Variants in GABRG3 observed in about 807,000 individuals in gnomAD.
GABRG3 encodes the protein gamma-aminobutyric acid receptor subunit gamma-3.
A neutral mutation model predicts 48.8 loss-of-function variants in GABRG3; 25 were observed. The observed-to-expected ratio is 0.51, with a 90% CI of 0.37 to 0.72. The LOEUF (loss-of-function observed/expected upper bound fraction) is 0.72, where lower values mean the gene tolerates loss of function less well. Ranked by LOEUF, GABRG3 falls within the 30% of genes least tolerant of loss-of-function variation. The pLI, the probability that GABRG3 is intolerant of heterozygous loss-of-function variation, is 0.00. For missense variants in GABRG3, 394 were observed against 577.9 expected (o/e 0.68, Z 3.26); for synonymous variants, 227 against 217.6 (o/e 1.04, Z -0.38).
At chr15:27,268,186 G>T (rs1026854921) in intron 3 of GABRG3, among the ~76,000 whole-genome samples, 4 of 152,044 alleles carry the variant, frequency 2.6e-5, no homozygotes, top group African/African-American at 9.7e-5. Context: ...TTTATGGGAA[G>T]AATTTTTACT....
intron 3 of GABRG3, among the ~76,000 whole-genome samples, chr15:27,320,302 G>A (rs896345969): frequency 8.5e-5 from 13 of 152,144 alleles, no homozygotes; most frequent in African/African-American, 2.9e-4. Flanking sequence ...CCGGCTAAGG[G>A]GATGCTTTCC....
chr15:27,304,990 G>C (rs545434747), intron 3 of GABRG3, among the ~76,000 whole-genome samples: 1 of 151,864 alleles, frequency 6.6e-6, no homozygotes, highest in African/African-American at 2.4e-5. Flanking sequence ...TAGAATTTTC[G>C]TAAAGCCTAA....
chr15:27,111,130 T>C (rs1446170536), intron 3 of GABRG3, among the ~76,000 whole-genome samples: 2 of 152,218 alleles, frequency 1.3e-5, no homozygotes, highest in African/African-American at 2.4e-5. Context: ...AGTTTCTATT[T>C]ACTTATGTTA....
At chr15:26,994,512 A>T (rs527791001) in intron 2 of GABRG3, among the ~76,000 whole-genome samples, 18 of 152,058 alleles carry the variant, frequency 1.2e-4, no homozygotes, top group Admixed American at 1.0e-3. Flanking sequence ...CCCACTTTCT[A>T]ACTTTTGTTT....
intron 3 of GABRG3, among the ~76,000 whole-genome samples, chr15:27,104,798 A>G (rs914978882): frequency 4.6e-5 from 7 of 152,222 alleles, no homozygotes; most frequent in African/African-American, 1.7e-4. Context: ...AAATCATAGA[A>G]TTTCTTTCCA....
At chr15:27,098,388 C>T (rs1003850994) in intron 3 of GABRG3, among the ~76,000 whole-genome samples, 16 of 152,074 alleles carry the variant, frequency 1.1e-4, no homozygotes, top group Admixed American at 3.9e-4. Flanking sequence ...GAGCTGAGAG[C>T]GCACCACTGC....
At chr15:27,444,034 T>A (rs968005759) in intron 5 of GABRG3, among the ~76,000 whole-genome samples, 1 of 152,220 alleles carries the variant, frequency 6.6e-6, no homozygotes, top group East Asian at 1.9e-4. Flanking sequence ...AATATTTTGT[T>A]GAAGTGTTCA....
chr15:27,242,359 T>C (rs1890152636), intron 3 of GABRG3, among the ~76,000 whole-genome samples: 1 of 152,190 alleles, frequency 6.6e-6, no homozygotes, highest in South Asian at 2.1e-4. Context: ...GTTTAGTTGC[T>C]CTGGGCACAG....
At chr15:27,173,346 A>G (rs1371244944) in intron 3 of GABRG3, among the ~76,000 whole-genome samples, 1 of 152,168 alleles carries the variant, frequency 6.6e-6, no homozygotes, top group Non-Finnish European at 1.5e-5. Context: ...GGGCTGCAGC[A>G]CTGAGAAAGT....
At chr15:27,517,355 C>T (rs1595805970) in intron 6 of GABRG3, among the ~76,000 whole-genome samples, 1 of 152,272 alleles carries the variant, frequency 6.6e-6, no homozygotes, top group Non-Finnish European at 1.5e-5. Context: ...ACTGGTGCTA[C>T]TGCCTCCCTC....
Position 27,539,958 on chromosome 15 carries a change from T to A in GABRG3, c.*7077T>A, listed in dbSNP as rs115536333. On this transcript the variant is annotated 3_prime_UTR_variant, in exon 10 of 10. Coordinates refer to ENST00000615808, the MANE Select transcript of GABRG3 (RefSeq NM_033223.5). ...GGTTTTTAGATGAAGTACATCTACA[T>A]CATAACCATCATCACCCTCATTGTC... The A allele has an allele frequency of 6.6e-6, 1 of 152,240 alleles. No homozygotes were observed. The highest frequency in any genetic ancestry group is 1.5e-5 in the Non-Finnish European group (1 of 68,046). 9.4% of individuals were successfully genotyped at this position (152,240 alleles called of 1,614,324 possible).
intron 3 of GABRG3, among the ~76,000 whole-genome samples, chr15:27,102,385 A>T (rs557695914): frequency 1.8e-4 from 27 of 152,326 alleles, no homozygotes; most frequent in Admixed American, 1.8e-3. Context: ...CTAAAAACTG[A>T]TTAGGAGGCC....
intron 3 of GABRG3, among the ~76,000 whole-genome samples, chr15:27,323,310 T>C (rs1433630493): frequency 6.6e-6 from 1 of 152,222 alleles, no homozygotes; most frequent in African/African-American, 2.4e-5. Context: ...CTTTGAACAA[T>C]TTCAGATTCC....
In GABRG3 at chr15:27,297,518, G is replaced by A. The variant is rs981565042; in HGVS notation, c.271-29291G>A. 3.0e-4 allele frequency among the ~76,000 whole-genome samples: 45 copies of A among 152,098 alleles called. 1 individual carries two copies. Among genetic ancestry groups the A allele is most frequent in the African/African-American group, 1.0e-3 (42 of 41,486 alleles). Reference sequence around the variant, plus strand: ...TTTACATATACAAATACTTAACATTGTGTTACAATTCCTTAGAATATTCAG... The same window carrying A: ...TTTACATATACAAATACTTAACATTATGTTACAATTCCTTAGAATATTCAG... On this transcript the variant is annotated intron_variant, in intron 3 of 9. Coordinates refer to ENST00000615808, the MANE Select transcript of GABRG3 (RefSeq NM_033223.5).
chr15:27,247,993 A>G (rs983665943), intron 3 of GABRG3, among the ~76,000 whole-genome samples: 4 of 152,214 alleles, frequency 2.6e-5, no homozygotes, highest in African/African-American at 9.7e-5. Flanking sequence ...ACATAAGTAG[A>G]TGTCCAATAC....
intron 6 of GABRG3, 181 bp downstream of exon 6, chr15:27,480,968 TG>T: frequency 7.2e-7 from 1 of 1,385,184 alleles, no homozygotes; most frequent in Middle Eastern, 2.6e-4. Context: ...GGGAGAGGGA[TG>T]TTAGAAATAA....
At chr15:27,211,032 G>A (rs1193852462) in intron 3 of GABRG3, among the ~76,000 whole-genome samples, 2 of 152,184 alleles carry the variant, frequency 1.3e-5, no homozygotes, top group Non-Finnish European at 2.9e-5. Flanking sequence ...GCATGTCTTA[G>A]CCTGTAAGGG....
At chr15:27,298,864 T>G in intron 3 of GABRG3, among the ~76,000 whole-genome samples, 1 of 149,004 alleles carries the variant, frequency 6.7e-6, no homozygotes, top group African/African-American at 2.4e-5. Context: ...AGGGGTCAGG[T>G]TCCTGACCAT....
At chr15:27,301,196 A>G (rs910339730) in intron 3 of GABRG3, among the ~76,000 whole-genome samples, 1 of 152,204 alleles carries the variant, frequency 6.6e-6, no homozygotes, top group African/African-American at 2.4e-5. Flanking sequence ...AGCGAATGTG[A>G]TGCTAAAGAA....
Sources: allele counts gnomAD v4.1 joint callset (sites outside exome capture counted in the v4.1 genomes callset), GRCh38; gene constraint gnomAD v4.1.1; transcripts MANE v1.5; gene names NCBI Gene and HGNC (gene_info 2026-07-23, HGNC 2026-07-21).